The following PDGFC variants were observed in gnomAD, a reference collection of about 807,000 sequenced individuals.
PDGFC encodes the protein platelet derived growth factor C, also known as platelet-derived growth factor C.
PDGFC carries 12 observed loss-of-function variants against 35.5 expected under a neutral mutation model. That is an observed-to-expected ratio of 0.34 (90% CI 0.22 to 0.55). The LOEUF (loss-of-function observed/expected upper bound fraction) is 0.55. PDGFC is among the 20% of genes least tolerant of loss of function. PDGFC has a pLI of 0.91. For missense variants in PDGFC, 322 were observed against 412.4 expected (o/e 0.78, Z 1.90); for synonymous variants, 159 against 148.8 (o/e 1.07, Z -0.50).
intron 2 of PDGFC, among the ~76,000 whole-genome samples, chr4:156,830,304 CACT>C (rs1728896510): frequency 6.6e-6 from 1 of 150,646 alleles, no homozygotes. Flanking sequence ...GACACTATGG[CACT>C]AGCATTATAC....
chr4:156,931,419 A>C (rs898477775), intron 1 of PDGFC, among the ~76,000 whole-genome samples: 8 of 152,210 alleles, frequency 5.3e-5, no homozygotes, highest in African/African-American at 1.9e-4. Flanking sequence ...CCAGGATTGC[A>C]TTCACGTCTT....
chr4:156,767,692 C>T, intron 5 of PDGFC, 81 bp downstream of exon 5: 6 of 859,324 alleles, frequency 7.0e-6, no homozygotes, highest in Non-Finnish European at 9.6e-6. Flanking sequence ...TTTTTCCAAA[C>T]ATAAACGCAT....
chr4:156,869,139 A>C (rs1729916090), intron 1 of PDGFC, among the ~76,000 whole-genome samples: 1 of 152,174 alleles, frequency 6.6e-6, no homozygotes, highest in African/African-American at 2.4e-5. Context: ...TTAGGTTTTA[A>C]ATAAAAATGA....
chr4:156,763,449 A>C (rs2110781490), intron 5 of PDGFC, among the ~76,000 whole-genome samples: 1 of 151,864 alleles, frequency 6.6e-6, no homozygotes, highest in Admixed American at 6.6e-5. Context: ...GTCTCTGAAT[A>C]AGGAACAGTA....
chr4:156,778,039 G>C (rs937787993), intron 3 of PDGFC, among the ~76,000 whole-genome samples: 1 of 152,112 alleles, frequency 6.6e-6, no homozygotes, highest in African/African-American at 2.4e-5. Flanking sequence ...AGGAGGCGGA[G>C]GTTGCAATGA....
intron 1 of PDGFC, among the ~76,000 whole-genome samples, chr4:156,878,208 G>C (rs777867801): frequency 6.6e-6 from 1 of 152,136 alleles, no homozygotes; most frequent in Non-Finnish European, 1.5e-5. Context: ...ATGGCTATCT[G>C]TAATTTAGAC....
At chr4:156,778,117 T>C in intron 3 of PDGFC, 1 of 244,878 alleles carries the variant, frequency 4.1e-6, no homozygotes, top group South Asian at 3.5e-5. Flanking sequence ...AAATAAAAAA[T>C]AAAAAAATAA....
At chr4:156,912,978 T>C (rs1038693150) in intron 1 of PDGFC, among the ~76,000 whole-genome samples, 1 of 152,188 alleles carries the variant, frequency 6.6e-6, no homozygotes, top group African/African-American at 2.4e-5. Flanking sequence ...TTCTTATATT[T>C]TGGACATAAG....
At chr4:156,892,849 G>A (rs550771294) in intron 1 of PDGFC, among the ~76,000 whole-genome samples, 27 of 152,234 alleles carry the variant, frequency 1.8e-4, no homozygotes, top group Non-Finnish European at 3.1e-4. Flanking sequence ...TACTTCTTAC[G>A]TCAAACGTCC....
At chr4:156,917,867 A>G (rs998794708) in intron 1 of PDGFC, among the ~76,000 whole-genome samples, 4 of 152,256 alleles carry the variant, frequency 2.6e-5, no homozygotes, top group African/African-American at 9.6e-5. Flanking sequence ...ATGTTCAAGT[A>G]GGTTCATACT....
chr4:156,950,169 C>T (rs945631358), intron 1 of PDGFC, among the ~76,000 whole-genome samples: 6 of 151,828 alleles, frequency 4.0e-5, no homozygotes, highest in East Asian at 1.9e-4. Context: ...AAAAGTTCTC[C>T]GTTCTCCAGT....
chr4:156,924,595 CA>C (rs1731362828), intron 1 of PDGFC, among the ~76,000 whole-genome samples: 2 of 151,936 alleles, frequency 1.3e-5, no homozygotes, highest in South Asian at 4.2e-4. Context: ...GATTAAAATG[CA>C]AAAAGTTTAT....
chr4:156,891,447 G>A (rs962602653), intron 1 of PDGFC, among the ~76,000 whole-genome samples: 1 of 151,922 alleles, frequency 6.6e-6, no homozygotes. Flanking sequence ...GTAAAAATGT[G>A]AACTAAATTT....
intron 1 of PDGFC, chr4:156,873,868 G>A (rs1298224247): frequency 6.6e-6 from 1 of 152,158 alleles, no homozygotes; most frequent in African/African-American, 2.4e-5. Flanking sequence ...TTGAGTAAAT[G>A]ACAGTCCTCT....
chr4:156,871,882 T>C (rs534996719), intron 1 of PDGFC, among the ~76,000 whole-genome samples: 1 of 151,966 alleles, frequency 6.6e-6, no homozygotes, highest in Admixed American at 6.6e-5. Context: ...TGAAGATGTA[T>C]TGACAGCATG....
At chr4:156,805,649 T>C (rs1260263455) in intron 3 of PDGFC, among the ~76,000 whole-genome samples, 1 of 150,674 alleles carries the variant, frequency 6.6e-6, no homozygotes, top group East Asian at 1.9e-4. Context: ...TGAGAGTTGG[T>C]TGGAGTTTTT....
intron 1 of PDGFC, among the ~76,000 whole-genome samples, chr4:156,956,603 C>T (rs1475222194): frequency 6.6e-6 from 1 of 151,866 alleles, no homozygotes; most frequent in African/African-American, 2.4e-5. Flanking sequence ...AACACTTTGC[C>T]ACAGTTTAGG....
intron 3 of PDGFC, among the ~76,000 whole-genome samples, chr4:156,807,474 G>T (rs1731798362): frequency 6.6e-6 from 1 of 151,864 alleles, no homozygotes; most frequent in Non-Finnish European, 1.5e-5. Flanking sequence ...TTAAATATTA[G>T]AACAGCATCA....
chr4:156,915,911 A>C (rs1203966160), intron 1 of PDGFC, among the ~76,000 whole-genome samples: 1 of 152,100 alleles, frequency 6.6e-6, no homozygotes, highest in Non-Finnish European at 1.5e-5. Flanking sequence ...CCCATGACCA[A>C]AAGAAAATTC....
Sources: gnomAD v4.1 joint callset for allele counts (sites outside exome capture counted in the v4.1 genomes callset) on GRCh38, gnomAD v4.1.1 for gene constraint, MANE v1.5 for transcripts, NCBI Gene and HGNC (gene_info 2026-07-23, HGNC 2026-07-21) for gene names.